ERBB4: variants seen among roughly 807,000 people sequenced by gnomAD.
The protein encoded by ERBB4 is receptor tyrosine-protein kinase erbB-4.
ERBB4 carries 42 observed loss-of-function variants against 158.0 expected under a neutral mutation model. That is an observed-to-expected ratio of 0.27 (90% confidence interval 0.21 to 0.34). The LOEUF is 0.34. ERBB4 is among the 10% of genes least tolerant of loss of function. ERBB4 has a pLI of 1.00. For missense variants in ERBB4, 1,333 were observed against 1,624.1 expected (o/e 0.82, Z 3.08); for synonymous variants, 583 against 558.7 (o/e 1.04, Z -0.61).
At chr2:212,331,073 C>CACATATATATATATATAT (rs1560037120) in intron 1 of ERBB4, among the ~76,000 whole-genome samples, 1 of 19,192 alleles carries the variant, frequency 5.2e-5, no homozygotes, top group Non-Finnish European at 2.2e-4. Flanking sequence ...TATATATATA[C>CACATATATATATATATAT]ACATATATAT....
chr2:212,146,124 T>G (rs1356885769), intron 1 of ERBB4, among the ~76,000 whole-genome samples: 1 of 152,214 alleles, frequency 6.6e-6, no homozygotes, highest in Non-Finnish European at 1.5e-5. Context: ...CATTATTGTT[T>G]GACTTTGCTG....
intron 1 of ERBB4, among the ~76,000 whole-genome samples, chr2:212,176,366 T>C (rs1213853836): frequency 6.6e-6 from 1 of 151,860 alleles, no homozygotes; most frequent in Non-Finnish European, 1.5e-5. Context: ...GCTCTCAAGA[T>C]AGGATTAATG....
At chr2:211,569,808 C>T (rs2067660616) in intron 19 of ERBB4, among the ~76,000 whole-genome samples, 1 of 152,150 alleles carries the variant, frequency 6.6e-6, no homozygotes, top group African/African-American at 2.4e-5. Flanking sequence ...TAGGGCCTTG[C>T]AGTCATAAAG....
Position 212,327,386 on chromosome 2 carries a change from C to T in ERBB4, c.83-202483G>A, listed in dbSNP as rs7562365. Among the ~76,000 whole-genome samples, 23 of 151,854 alleles carry T rather than the reference C, an allele frequency of 1.5e-4. No homozygotes were observed. In the East Asian group the frequency reaches 3.7e-3, roughly 24 times the overall value. Reference sequence around the variant, plus strand: ...GCTGGAAATAGAACTTCAACAGACGCAATCCAAGGCCTGTTCTCACAAATA... The same window carrying T: ...GCTGGAAATAGAACTTCAACAGACGTAATCCAAGGCCTGTTCTCACAAATA... On this transcript the variant is annotated intron_variant, in intron 1 of 27. Transcript: ENST00000342788.
chr2:211,693,637 A>G (rs929081697), intron 12 of ERBB4, among the ~76,000 whole-genome samples: 1 of 152,180 alleles, frequency 6.6e-6, no homozygotes, highest in African/African-American at 2.4e-5. Flanking sequence ...TCCCACAGGC[A>G]TCTGTCTCAG....
At chr2:211,999,829 T>C (rs1238278128) in intron 2 of ERBB4, among the ~76,000 whole-genome samples, 1 of 151,804 alleles carries the variant, frequency 6.6e-6, no homozygotes, top group Non-Finnish European at 1.5e-5. Flanking sequence ...CTGTAGAATA[T>C]TTCCTTACCA....
At chr2:211,862,425 T>C (rs766566910) in intron 3 of ERBB4, among the ~76,000 whole-genome samples, 1 of 151,804 alleles carries the variant, frequency 6.6e-6, no homozygotes, top group Non-Finnish European at 1.5e-5. Flanking sequence ...TTTCAAGCAT[T>C]GTCTTAGATG....
chr2:212,256,999 T>C (rs1036379931), intron 1 of ERBB4, among the ~76,000 whole-genome samples: 2 of 152,080 alleles, frequency 1.3e-5, no homozygotes, highest in South Asian at 2.1e-4. Flanking sequence ...AGGTTTAGGG[T>C]ACGAATGATC....
chr2:212,041,145 A>C (rs573415598), intron 2 of ERBB4, among the ~76,000 whole-genome samples: 1 of 152,146 alleles, frequency 6.6e-6, no homozygotes, highest in Non-Finnish European at 1.5e-5. Context: ...CAAAAAAAAC[A>C]AAGAAAGTGG....
At chr2:211,415,871 T>G (rs2063378365) in intron 25 of ERBB4, among the ~76,000 whole-genome samples, 1 of 152,196 alleles carries the variant, frequency 6.6e-6, no homozygotes, top group South Asian at 2.1e-4. Flanking sequence ...AGAAAGCGTG[T>G]AAGAGGAAGA....
intron 4 of ERBB4, among the ~76,000 whole-genome samples, chr2:211,774,956 A>C (rs73069345): frequency 0.15 from 22,245 of 152,112 alleles, 1,828 homozygotes; most frequent in South Asian, 0.33. Context: ...AGTGACTAGA[A>C]TTTAAGATAG....
In ERBB4 at chr2:212,445,223, G is replaced by A. The variant is rs1004185172; in HGVS notation, c.82+93226C>T. Among the ~76,000 whole-genome samples, 7 of 152,058 alleles carry A rather than the reference G, an allele frequency of 4.6e-5. No individual in the cohort carries two copies. In the East Asian group the frequency reaches 7.7e-4, roughly 17 times the overall value. On this transcript the variant is annotated intron_variant, in intron 1 of 27. Transcript: ENST00000342788. ...GGGCTGGGGCAATGTTCTCCAGAAC[G>A]CCGTGTATGATCTGAATCAGCATCC...
chr2:212,386,224 G>T (rs2090669972), intron 1 of ERBB4, among the ~76,000 whole-genome samples: 1 of 151,158 alleles, frequency 6.6e-6, no homozygotes. Flanking sequence ...AACACTTATT[G>T]CCAAACTTCT....
chr2:212,005,668 T>C (rs1365872420), intron 2 of ERBB4, among the ~76,000 whole-genome samples: 2 of 152,198 alleles, frequency 1.3e-5, no homozygotes, highest in Admixed American at 1.3e-4. Context: ...GAAAAGCCTC[T>C]TGTAGGAAAG....
At chr2:212,194,121 T>G (rs1203220909) in intron 1 of ERBB4, among the ~76,000 whole-genome samples, 1 of 152,032 alleles carries the variant, frequency 6.6e-6, no homozygotes, top group East Asian at 1.9e-4. Context: ...ATTAACTTTT[T>G]ATAGTCATGC....
chr2:212,206,907 A>C (rs1381967677), intron 1 of ERBB4, among the ~76,000 whole-genome samples: 1 of 151,004 alleles, frequency 6.6e-6, no homozygotes, highest in Non-Finnish European at 1.5e-5. Context: ...CTATTCTTAA[A>C]TGTTTCTTTT....
chr2:212,264,348 A>G (rs552107715), intron 1 of ERBB4, among the ~76,000 whole-genome samples: 1 of 152,258 alleles, frequency 6.6e-6, no homozygotes, highest in African/African-American at 2.4e-5. Context: ...ACATATACTC[A>G]GTAATTACCA....
At chr2:212,497,804 G>A (rs575970835) in intron 1 of ERBB4, among the ~76,000 whole-genome samples, 1 of 152,266 alleles carries the variant, frequency 6.6e-6, no homozygotes, top group Admixed American at 6.5e-5. Flanking sequence ...AACATTGGAA[G>A]CCAGTGACCA....
intron 1 of ERBB4, among the ~76,000 whole-genome samples, chr2:212,292,733 A>G (rs2086253979): frequency 6.6e-6 from 1 of 152,084 alleles, no homozygotes. Flanking sequence ...GAATAGACAA[A>G]AAGATTAGTG....
Sources: gnomAD v4.1 joint callset for allele counts (sites outside exome capture counted in the v4.1 genomes callset) on GRCh38, gnomAD v4.1.1 for gene constraint, MANE v1.5 for transcripts, NCBI Gene and HGNC (gene_info 2026-07-23, HGNC 2026-07-21) for gene names.